Variants in CRISP3 observed in about 807,000 individuals in gnomAD.
CRISP3 encodes cysteine rich secretory protein 3.
In CRISP3, 33 loss-of-function variants were observed where a neutral mutation model predicts 36.1. The ratio of observed to expected loss-of-function variants is 0.91; its 90% CI spans 0.69 to 1.22. The LOEUF (loss-of-function observed/expected upper bound fraction) is 1.22. Ranked by LOEUF, CRISP3 falls within the 50% of genes most tolerant of loss-of-function variation. The pLI is 0.00. For synonymous variants in CRISP3, 117 were observed against 104.6 expected, an observed-to-expected ratio of 1.12 and a Z score of -0.72; for missense variants, 330 against 301.2, an observed-to-expected ratio of 1.10 and a Z score of -0.71.
At chr6:49,729,166 A>T (rs1331280793) in intron 7 of CRISP3, among the ~76,000 whole-genome samples, 2 of 152,302 alleles carry the variant, frequency 1.3e-5, no homozygotes, top group African/African-American at 2.4e-5. Flanking sequence ...CCAAAATGGT[A>T]GATATTTGTC....
chr6:49,739,792 T>A lies in CRISP3; in HGVS notation c.38-2394A>T, dbSNP rs1449840503. ...AAAAAAAAATAGCCTCTCCTGTCATTCACTTCCATGAAGCAATTTCTAAGT... is the reference window on the plus strand; with the variant it reads ...AAAAAAAAATAGCCTCTCCTGTCATACACTTCCATGAAGCAATTTCTAAGT... On this transcript the variant is annotated intron_variant, in intron 1 of 7. Coordinates refer to ENST00000263045, the MANE Select transcript of CRISP3 (RefSeq NM_006061.4). Among the ~76,000 whole-genome samples, 3 of 152,202 alleles carry A rather than the reference T, an allele frequency of 2.0e-5. No individual in the cohort carries two copies. In the East Asian group the frequency reaches 5.8e-4, roughly 29 times the overall value.
At chr6:49,731,390 C>T (rs1168413065) in intron 6 of CRISP3, 139 bp from the exon 7 acceptor site, 2 of 483,508 alleles carry the variant, frequency 4.1e-6, no homozygotes, top group Non-Finnish European at 7.4e-6. Flanking sequence ...AATATAATCT[C>T]AGAGTATATT....
chr6:49,744,330 C>G lies in CRISP3; in HGVS notation c.37+1G>C. 1 of 1,527,668 alleles carries G rather than the reference C, an allele frequency of 6.5e-7. No individual in the cohort carries two copies. Among genetic ancestry groups the G allele is most frequent in the Non-Finnish European group, 8.8e-7 (1 of 1,140,392 alleles). 94.6% of individuals were successfully genotyped at this position (1,527,668 alleles called of 1,614,324 possible). A position where few individuals can be genotyped will look rare whatever the true frequency, so the allele number is the denominator to read the frequency against. ...CTTGAAATAAAGGAGTTATCACTTA[C>G]CAGTGGTTTCCAGAGCAGGATGAAG... On this transcript the variant is annotated splice_donor_variant, in intron 1 of 7. Coordinates refer to ENST00000263045, the MANE Select transcript of CRISP3 (RefSeq NM_006061.4). LOFTEE classifies it high-confidence loss of function.
At chr6:49,730,064 CACAATTCAGTCAGAAAAAAAATGTT>C (rs1768875612) in intron 7 of CRISP3, among the ~76,000 whole-genome samples, 1 of 151,908 alleles carries the variant, frequency 6.6e-6, no homozygotes, top group African/African-American at 2.4e-5. Context: ...ATTATAGCTA[CACAATTCAGTCAGAAAAAAAATGTT>C]ACAATTCAGT....
chr6:49,733,203 A>C lies in CRISP3; in HGVS notation c.552T>G (p.Tyr184Ter). 6.3e-7 allele frequency: 1 copy of C among 1,578,284 alleles called. No homozygotes were observed. The highest frequency in any genetic ancestry group is 8.7e-7 in the Non-Finnish European group (1 of 1,152,066). Residue 184 changes from tyrosine to a stop codon, truncating the protein, a stop_gained, in exon 6 of 8, where the codon TAT (tyrosine) becomes TAG (stop). Transcript: ENST00000263045. LOFTEE classifies it high-confidence loss of function. The stretch of plus-strand genomic sequence containing the variant: ...CTAAAATATATACTTACGCAGGACA[A>C]TATTGGCAAACATAGTAGTATTTTA... ...KVLKYYYVCQ[Y>*]CPAGNWANRL...
In CRISP3 at chr6:49,731,246, T is replaced by G; in HGVS notation, c.566A>C (p.Asn189Thr). 1 of 1,587,076 alleles carries G rather than the reference T, an allele frequency of 6.3e-7. No homozygotes were observed. The highest frequency in any genetic ancestry group is 2.3e-5 in the East Asian group (1 of 44,046). Residue 189 changes from asparagine (N) to threonine (T), a missense_variant, in exon 7 of 8, where the codon AAT becomes ACT. Asn to Thr is a moderately conservative substitution (Grantham distance 65). Transcript: ENST00000263045. ...YYVCQYCPAG[N>T]WANRLYVPYE... is the part of the protein sequence containing the mutation. ...AGGGACATATAGTCTATTAGCCCAA[T>G]TACCACTGAAATTTGAAATAAAAAT...
rs190275916 is a variant in CRISP3, at chr6:49,733,179, T to G, written c.560+16A>C. The G allele has an allele frequency of 2.8e-5, 41 of 1,452,592 alleles. No homozygotes were observed. In the East Asian group the frequency reaches 6.7e-4, roughly 24 times the overall value. The allele number at this position is 1,452,592 out of a possible 1,614,324, so 90.0% of individuals were successfully genotyped here. A position where few individuals can be genotyped will look rare whatever the true frequency, so the allele number is the denominator to read the frequency against. On this transcript the variant is annotated intron_variant, in intron 6 of 7. Transcript: ENST00000263045. ...ATTTAGCATTATTGACAATAAACGC[T>G]AAAATATATACTTACGCAGGACAAT...
chr6:49,739,433 G>C (rs1054466787), intron 1 of CRISP3, among the ~76,000 whole-genome samples: 8 of 152,094 alleles, frequency 5.3e-5, no homozygotes, highest in Admixed American at 2.6e-4. Flanking sequence ...TACCCAGAGG[G>C]GGAGCTGGTT....
chr6:49,728,074 A>G lies in CRISP3; in HGVS notation c.*656T>C, dbSNP rs1305588505. On this transcript the variant is annotated 3_prime_UTR_variant, in exon 8 of 8. Transcript: ENST00000263045. ...TTCTTTTTTAAGGAAGTTTTGTCAA[A>G]GAGAAGAGAGGTTTAAAAATGAAGG... 3 of 152,122 alleles carry G rather than the reference A, an allele frequency of 2.0e-5. No individual in the cohort carries two copies. The highest frequency in any genetic ancestry group is 4.4e-5 in the Non-Finnish European group (3 of 67,992). The allele number at this position is 152,122 out of a possible 1,614,324, so 9.4% of individuals were successfully genotyped here. A position where few individuals can be genotyped will look rare whatever the true frequency, so the allele number is the denominator to read the frequency against.
chr6:49,737,319 C>T lies in CRISP3; in HGVS notation c.111+6G>A. 3 of 1,613,126 alleles carry T rather than the reference C, an allele frequency of 1.9e-6. No individual in the cohort carries two copies. The highest frequency in any genetic ancestry group is 2.5e-6 in the Non-Finnish European group (3 of 1,179,272). On this transcript the variant is annotated splice_donor_region_variant and intron_variant, in intron 2 of 7. Transcript: ENST00000263045. ...TTTTTCTGAAGATTTTTGACTTCAA[C>T]CATACCTTATCTTCATTTGCTGGAA...
intron 4 of CRISP3, among the ~76,000 whole-genome samples, chr6:49,735,246 A>G (rs1467768666): frequency 1.3e-5 from 2 of 152,118 alleles, no homozygotes; most frequent in East Asian, 3.8e-4. Flanking sequence ...GAAAGAGATG[A>G]TCTGTAACCT....
chr6:49,744,212 CTT>C (rs1769276443), intron 1 of CRISP3, 117 bp downstream of exon 1: 3 of 678,010 alleles, frequency 4.4e-6, no homozygotes, highest in Non-Finnish European at 6.7e-6. Flanking sequence ...TATCAATAAA[CTT>C]TGGAAAATTG....
rs1768816976 is a variant in CRISP3, at chr6:49,728,219, T to C, written c.*511A>G. The C allele has an allele frequency of 6.6e-6, 1 of 152,192 alleles. No individual in the cohort carries two copies. Among genetic ancestry groups the C allele is most frequent in the Non-Finnish European group, 1.5e-5 (1 of 68,028 alleles). The allele number at this position is 152,192 out of a possible 1,614,324, so 9.4% of individuals were successfully genotyped here. A position where few individuals can be genotyped will look rare whatever the true frequency, so the allele number is the denominator to read the frequency against. ...AACAGCTTCAACTCAATTGTGAGGA[T>C]GCCAGCCAGATGATTGGGAAGAAGG... On this transcript the variant is annotated 3_prime_UTR_variant, in exon 8 of 8. Coordinates refer to ENST00000263045, the MANE Select transcript of CRISP3 (RefSeq NM_006061.4).
intron 5 of CRISP3, 126 bp from the exon 6 acceptor site, chr6:49,733,418 G>T: frequency 1.5e-6 from 1 of 664,084 alleles, no homozygotes; most frequent in Non-Finnish European, 2.5e-6. Flanking sequence ...ATACCTTATG[G>T]CTATATTTAG....
intron 3 of CRISP3, among the ~76,000 whole-genome samples, 195 bp from the exon 4 acceptor site, chr6:49,735,786 G>A (rs1021551217): frequency 3.3e-5 from 5 of 152,014 alleles, no homozygotes; most frequent in African/African-American, 1.2e-4. Context: ...TAGGTAATAT[G>A]CCTACCCTAA....
chr6:49,734,522 A>G (rs1424492097), intron 4 of CRISP3, among the ~76,000 whole-genome samples: 1 of 152,134 alleles, frequency 6.6e-6, no homozygotes, highest in Non-Finnish European at 1.5e-5. Context: ...ATTAATATTT[A>G]TATTTGGATG....
chr6:49,735,519 T>G lies in CRISP3; in HGVS notation c.301A>C (p.Lys101Gln), dbSNP rs1203437770. 6.2e-7 allele frequency: 1 copy of G among 1,609,672 alleles called. No individual in the cohort carries two copies. Among genetic ancestry groups the G allele is most frequent in the Admixed American group, 1.7e-5 (1 of 59,684 alleles). Reference protein sequence around the residue: ...NQCNYRHSNPKDRMTSLKCGE... With the variant: ...NQCNYRHSNPQDRMTSLKCGE... ...ATTTACATACTTGTCATTCGATCCT[T>G]TGGGTTACTGTGTCTGTAATTGCAC... Residue 101 changes from lysine to glutamine, a missense_variant, in exon 4 of 8, where the codon AAG becomes CAG. Physicochemically the swap from Lys to Gln is moderately conservative, Grantham distance 53. Transcript: ENST00000263045.
intron 7 of CRISP3, among the ~76,000 whole-genome samples, chr6:49,729,109 G>A (rs1484869372): frequency 6.6e-6 from 1 of 152,024 alleles, no homozygotes; most frequent in Non-Finnish European, 1.5e-5. Flanking sequence ...CTCAACAAGT[G>A]AGCAGAGTAA....
At chr6:49,743,020 TTTA>T (rs1200837620) in intron 1 of CRISP3, among the ~76,000 whole-genome samples, 1 of 152,214 alleles carries the variant, frequency 6.6e-6, no homozygotes, top group Non-Finnish European at 1.5e-5. Flanking sequence ...ATAGTTAATC[TTTA>T]TTCTGATCAC....
Sources: gnomAD v4.1 joint callset for allele counts (sites outside exome capture counted in the v4.1 genomes callset) on GRCh38, gnomAD v4.1.1 for gene constraint, MANE v1.5 for transcripts, NCBI Gene and HGNC (gene_info 2026-07-23, HGNC 2026-07-21) for gene names.